Variants in ZNF75D observed in about 807,000 individuals in gnomAD.
The protein encoded by ZNF75D is zinc finger protein 75.
A neutral mutation model predicts 33.3 loss-of-function variants in ZNF75D; 33 were observed. The observed-to-expected ratio is 0.99, with a 90% CI of 0.75 to 1.32. ZNF75D has a LOEUF of 1.32. ZNF75D is among the 40% of genes most tolerant of loss of function. ZNF75D has a pLI of 0.00. For synonymous variants in ZNF75D, 113 were observed against 130.6 expected (o/e 0.87, Z 0.92); for missense variants, 338 against 367.5 (o/e 0.92, Z 0.66).
chrX:135,262,124 A>C (rs902023113), intron 1 of ZNF75D, among the ~76,000 whole-genome samples: 2 of 111,389 alleles, frequency 1.8e-5, no homozygotes, highest in Non-Finnish European at 3.8e-5. Flanking sequence ...GTTGGCCTCC[A>C]CTCTCTTCTG....
chrX:135,263,454 G>A (rs1328730243), intron 1 of ZNF75D, among the ~76,000 whole-genome samples: 1 of 113,019 alleles, frequency 8.8e-6, no homozygotes, highest in African/African-American at 3.2e-5. Context: ...GCCTTGTTGA[G>A]CTGCAGTGGG....
Position 135,291,561 on chromosome X carries a change from C to A in ZNF75D, c.607G>T (p.Val203Leu), listed in dbSNP as rs782793435. The A allele has an allele frequency of 5.8e-6, 7 of 1,209,110 alleles. No homozygotes were observed. The highest frequency in any genetic ancestry group is 1.8e-5 in the South Asian group (1 of 56,643). The change falls in exon 5 of 7, where the codon GTG (valine) becomes TTG (leucine). Residue 203 changes from valine (V) to leucine (L), a missense_variant and splice_region_variant. Transcript: ENST00000370766. The part of the protein sequence containing the change: ...KETQPVYERA[V>L]HDQQMLALSE... ...AGGGCTAACATCTGTTGATCATGCACAGCTGTGGGTAGAAAATAGCCAGGG... is the reference window on the plus strand; with the variant it reads ...AGGGCTAACATCTGTTGATCATGCAAAGCTGTGGGTAGAAAATAGCCAGGG...
intron 1 of ZNF75D, among the ~76,000 whole-genome samples, chrX:135,302,745 G>C (rs868984722): frequency 1.8e-5 from 2 of 111,457 alleles, no homozygotes; most frequent in Non-Finnish European, 3.8e-5. Flanking sequence ...CCAGTGAAGG[G>C]GTGGGTTGCC....
intron 1 of ZNF75D, among the ~76,000 whole-genome samples, chrX:135,310,036 C>T (rs1286754834): frequency 8.9e-6 from 1 of 112,172 alleles, no homozygotes; most frequent in East Asian, 2.8e-4. Context: ...TTTGAAGAGA[C>T]CACCCTGGTG....
intron 1 of ZNF75D, among the ~76,000 whole-genome samples, chrX:135,263,212 A>G (rs1002812337): frequency 2.7e-5 from 3 of 112,433 alleles, no homozygotes; most frequent in Admixed American, 9.4e-5. Context: ...GTAGACGCCT[A>G]CACGAGGTGT....
At chrX:135,290,825 A>T (rs1407646006) in intron 6 of ZNF75D, among the ~76,000 whole-genome samples, 184 bp downstream of exon 6, 1 of 112,539 alleles carries the variant, frequency 8.9e-6, no homozygotes, top group Non-Finnish European at 1.9e-5. Context: ...TGCAGAAGTG[A>T]GACAGGTATT....
At chrX:135,295,310 T>G (rs1179080384) in intron 2 of ZNF75D, among the ~76,000 whole-genome samples, 2 of 111,936 alleles carry the variant, frequency 1.8e-5, no homozygotes, top group African/African-American at 6.5e-5. Context: ...GACCCTTTCT[T>G]TGGTGTTATG....
At chrX:135,257,248 A>G (rs1556414385) in intron 1 of ZNF75D, among the ~76,000 whole-genome samples, 1 of 112,145 alleles carries the variant, frequency 8.9e-6, no homozygotes, top group African/African-American at 3.2e-5. Flanking sequence ...CTCAGCTCTT[A>G]GCATTTCTGG....
In ZNF75D at chrX:135,287,705, TCA is replaced by T. The variant is rs781990710; in HGVS notation, c.963_964del (p.Asp322TyrfsTer23). ...ATGCCATTTCTGTACACTGTGTGTA[TCA>T]CCAGGATTTTCCCTGCCCATTGTTT... On this transcript the variant is annotated frameshift_variant, in exon 7 of 7. Coordinates refer to ENST00000370766, the MANE Select transcript of ZNF75D (RefSeq NM_007131.5). LOFTEE classifies it high-confidence loss of function. 3 of 1,212,179 alleles carry T rather than the reference TCA, an allele frequency of 2.5e-6. No homozygotes were observed. The highest frequency in any genetic ancestry group is 2.2e-6 in the Non-Finnish European group (2 of 895,510).
rs1033375974 is a variant in ZNF75D at position 135,326,980 on chromosome X, A to G, written c.-391+14788T>C. On this transcript the variant is annotated intron_variant, in intron 1 of 6. Coordinates refer to ENST00000370766, the MANE Select transcript of ZNF75D (RefSeq NM_007131.5). ...CCAAGAACCCACCAATTCCGAACAC[A>G]TCATCTCATATAATCCTCAGAAATT... Among the ~76,000 whole-genome samples the G allele has an allele frequency of 5.3e-5, 6 of 112,726 alleles. No homozygotes were observed. In the East Asian group the frequency reaches 1.7e-3, roughly 32 times the overall value.
intron 1 of ZNF75D, among the ~76,000 whole-genome samples, chrX:135,312,431 A>G (rs868959135): frequency 5.3e-4 from 59 of 111,970 alleles, no homozygotes; most frequent in African/African-American, 1.9e-3. Flanking sequence ...TATCTTTGCT[A>G]TTGTAAATAG....
intron 1 of ZNF75D, among the ~76,000 whole-genome samples, chrX:135,261,270 T>G (rs2083840625): frequency 8.9e-6 from 1 of 112,522 alleles, no homozygotes; most frequent in Non-Finnish European, 1.9e-5. Context: ...GAATGTATAT[T>G]CTGTTGATTT....
At chrX:135,314,164 CT>C (rs1459580781) in intron 1 of ZNF75D, among the ~76,000 whole-genome samples, 3 of 111,827 alleles carry the variant, frequency 2.7e-5, no homozygotes, top group Admixed American at 9.4e-5. Context: ...GATATGCTCC[CT>C]CCATGCACAG....
At chrX:135,304,398 G>A (rs1279610379) in intron 1 of ZNF75D, among the ~76,000 whole-genome samples, 1 of 111,726 alleles carries the variant, frequency 9.0e-6, no homozygotes, top group Non-Finnish European at 1.9e-5. Flanking sequence ...GAGAGGAGGA[G>A]GTTTGTATTC....
At chrX:135,272,435 T>C (rs2083886429) in intron 1 of ZNF75D, among the ~76,000 whole-genome samples, 1 of 108,883 alleles carries the variant, frequency 9.2e-6, no homozygotes, top group South Asian at 4.1e-4. Context: ...TATGCAACCA[T>C]GTTTTTAGTG....
chrX:135,258,892 T>G (rs1291243551), intron 1 of ZNF75D, among the ~76,000 whole-genome samples: 1 of 112,390 alleles, frequency 8.9e-6, no homozygotes, highest in Non-Finnish European at 1.9e-5. Flanking sequence ...TGAATGGTAT[T>G]GCCTAGGTTT....
intron 1 of ZNF75D, among the ~76,000 whole-genome samples, chrX:135,274,896 T>C (rs2083894495): frequency 8.9e-6 from 1 of 112,033 alleles, no homozygotes; most frequent in African/African-American, 3.2e-5. Context: ...GTTTCTTGCT[T>C]TTTAGGGTTT....
intron 1 of ZNF75D, among the ~76,000 whole-genome samples, chrX:135,311,398 A>C (rs1320321616): frequency 1.8e-5 from 2 of 112,364 alleles, no homozygotes; most frequent in Non-Finnish European, 3.8e-5. Context: ...AAATGGCCTG[A>C]TCTTTTAAAT....
downstream of ZNF75D, among the ~76,000 whole-genome samples, chrX:135,281,742 G>T (rs1185687531): frequency 8.9e-6 from 1 of 112,100 alleles, no homozygotes; most frequent in Non-Finnish European, 1.9e-5. Flanking sequence ...TAACAGTCAG[G>T]CCCTTCTGCT....
Sources: allele counts gnomAD v4.1 joint callset (sites outside exome capture counted in the v4.1 genomes callset), GRCh38; gene constraint gnomAD v4.1.1; transcripts MANE v1.5; gene names NCBI Gene and HGNC (gene_info 2026-07-23, HGNC 2026-07-21).